The following MTDH variants were observed in gnomAD, a reference collection of about 807,000 sequenced individuals.
The protein encoded by MTDH is metadherin, also known as protein LYRIC.
MTDH carries 34 observed loss-of-function variants against 72.7 expected under a neutral mutation model. That is an observed-to-expected ratio of 0.47 (90% CI 0.36 to 0.62). MTDH has a LOEUF of 0.62. MTDH is among the 20% of genes least tolerant of loss of function. The pLI is 0.00. For synonymous variants in MTDH, 266 were observed against 268.9 expected (o/e 0.99, Z 0.10); for missense variants, 677 against 699.4 (o/e 0.97, Z 0.36).
At position 97,644,770 on chromosome 8, in the gene MTDH, G is replaced by A. The variant is rs750230751; in HGVS notation, c.264G>A (p.Lys88=). 4 of 1,549,210 alleles carry A rather than the reference G, an allele frequency of 2.6e-6. No individual in the cohort carries two copies. The highest frequency in any genetic ancestry group is 4.5e-5 in the Admixed American group (2 of 44,236). ...ARKKRRSPPR[K]REEAAAVPAA... ...AAAAGCGGAGGAGCCCGCCCCGCAA[G>A]CGGGAGGAGGCGGCGGCCGTGCCGG... is the stretch of plus-strand genomic sequence containing the variant. Residue 88 remains lysine (K), a synonymous_variant, in exon 1 of 12, where the codon AAG becomes AAA. Transcript: ENST00000336273.
intron 2 of MTDH, among the ~76,000 whole-genome samples, chr8:97,683,045 CTTTTTTTTTTTTTTTTTTTTTTT>C (rs71271144): frequency 6.8e-4 from 30 of 44,386 alleles, no homozygotes; most frequent in Middle Eastern, 0.02. Context: ...CTCTTAGACA[CTTTTTTTTTTTTTTTTTTTTTTT>C]TTTTTTTTTT....
chr8:97,715,052 G>A (rs1289843759), intron 9 of MTDH, among the ~76,000 whole-genome samples: 1 of 151,674 alleles, frequency 6.6e-6, no homozygotes, highest in African/African-American at 2.4e-5. Flanking sequence ...CTCAAGTGAT[G>A]TGGTCTCAAG....
intron 4 of MTDH, 66 bp downstream of exon 4, chr8:97,687,671 T>TG: frequency 1.5e-6 from 2 of 1,331,120 alleles, no homozygotes; most frequent in Non-Finnish European, 2.0e-6. Flanking sequence ...ATGTACAAAA[T>TG]ATCATTATGT....
At chr8:97,672,155 GTAAA>G (rs1159047248) in intron 2 of MTDH, among the ~76,000 whole-genome samples, 1 of 152,096 alleles carries the variant, frequency 6.6e-6, no homozygotes, top group Admixed American at 6.5e-5. Context: ...TGCCTGTTTT[GTAAA>G]TAAAGTTTTA....
Position 97,644,523 on chromosome 8 carries a change from G to A in MTDH, c.17G>A (p.Trp6Ter). The A allele has an allele frequency of 6.3e-7, 1 of 1,591,718 alleles. No homozygotes were observed. The highest frequency in any genetic ancestry group is 8.5e-7 in the Non-Finnish European group (1 of 1,174,360). ...GGAGGGAAGATGGCTGCACGGAGCT[G>A]GCAGGACGAGCTGGCCCAGCAGGCC... is the stretch of plus-strand genomic sequence containing the variant. MAARS[W>*]QDELAQQAEE... Residue 6 changes from tryptophan to a stop codon, truncating the protein, a stop_gained, in exon 1 of 12, where the codon TGG (tryptophan) becomes TAG (stop). Transcript: ENST00000336273. LOFTEE classifies it high-confidence loss of function.
At chr8:97,651,338 G>A (rs1004679966) in intron 1 of MTDH, among the ~76,000 whole-genome samples, 1 of 152,142 alleles carries the variant, frequency 6.6e-6, no homozygotes, top group African/African-American at 2.4e-5. Context: ...TTCTTTGTAA[G>A]GTATATCACA....
chr8:97,719,563 A>G (rs1319389151), intron 10 of MTDH, among the ~76,000 whole-genome samples: 26 of 152,014 alleles, frequency 1.7e-4, no homozygotes, highest in Admixed American at 1.7e-3. Context: ...TAATGTTTTA[A>G]GCACTGTGCT....
Position 97,706,646 on chromosome 8 carries a change from C to A in MTDH, c.1168C>A (p.Pro390Thr). The A allele has an allele frequency of 6.2e-7, 1 of 1,612,782 alleles. No individual in the cohort carries two copies. The highest frequency in any genetic ancestry group is 8.5e-7 in the Non-Finnish European group (1 of 1,179,404). ...TTTAGATGGTCTGTCTTCTGCTGAT[C>A]CCAACTCTGATTGGAATGCACCAGC... Reference protein sequence around the residue: ...SGLNGLSSADPNSDWNAPAEE... With the variant: ...SGLNGLSSADTNSDWNAPAEE... Residue 390 changes from proline (P) to threonine (T), a missense_variant, in exon 8 of 12, where the codon CCC becomes ACC. Pro to Thr is a conservative substitution (Grantham distance 38, BLOSUM62 -1). Around this residue, in one of 3 missense-constraint regions of MTDH, gnomAD observed 9 missense variants for 25.8 expected, o/e 0.35. Transcript: ENST00000336273.
At chr8:97,666,693 T>C (rs754414752) in intron 2 of MTDH, among the ~76,000 whole-genome samples, 1 of 152,100 alleles carries the variant, frequency 6.6e-6, no homozygotes, top group Non-Finnish European at 1.5e-5. Flanking sequence ...TTCCACTCAT[T>C]ATATTCTTGT....
chr8:97,707,855 TAAA>T lies in MTDH; in HGVS notation c.1272+1109_1272+1111del, dbSNP rs1437826557. Among the ~76,000 whole-genome samples the T allele has an allele frequency of 1.1e-3, 164 of 148,496 alleles. 1 individual carries two copies. Among genetic ancestry groups the T allele is most frequent in the African/African-American group, 3.8e-3 (153 of 40,420 alleles). ...TTGAACATAGCAAGACCCCATCTCT[TAAA>T]AAAGAAAAAAAAAAAGAAAAAGTTA... On this transcript the variant is annotated intron_variant, in intron 8 of 11. Transcript: ENST00000336273.
intron 8 of MTDH, among the ~76,000 whole-genome samples, chr8:97,711,495 CAAACA>C (rs1037102289): frequency 5.6e-5 from 8 of 142,688 alleles, no homozygotes; most frequent in East Asian, 2.0e-4. Context: ...AAAAACAAAA[CAAACA>C]AAACAAGGCA....
At chr8:97,705,568 C>T (rs1305696088) in intron 7 of MTDH, among the ~76,000 whole-genome samples, 1 of 152,202 alleles carries the variant, frequency 6.6e-6, no homozygotes, top group Non-Finnish European at 1.5e-5. Flanking sequence ...CCACTGCACT[C>T]CAGCTTGGGC....
At chr8:97,662,689 G>A (rs1197731261) in intron 2 of MTDH, among the ~76,000 whole-genome samples, 2 of 151,940 alleles carry the variant, frequency 1.3e-5, no homozygotes, top group African/African-American at 2.4e-5. Context: ...GGGAGGCTGA[G>A]GTAGGAGAAT....
chr8:97,702,377 A>T (rs981665940), intron 7 of MTDH, among the ~76,000 whole-genome samples: 2 of 152,228 alleles, frequency 1.3e-5, no homozygotes, highest in Non-Finnish European at 2.9e-5. Flanking sequence ...TATGCAGGTT[A>T]CATGATTATT....
At chr8:97,688,187 A>T (rs942431561) in intron 4 of MTDH, among the ~76,000 whole-genome samples, 6 of 152,110 alleles carry the variant, frequency 3.9e-5, no homozygotes, top group Non-Finnish European at 8.8e-5. Context: ...CCACTCTTTA[A>T]ATTACCGTCA....
intron 1 of MTDH, 108 bp from the exon 2 acceptor site, chr8:97,660,963 AG>A: frequency 1.4e-6 from 1 of 690,998 alleles, no homozygotes; most frequent in South Asian, 2.4e-5. Context: ...TTTTAAATTT[AG>A]GTACAGAGGT....
At position 97,673,931 on chromosome 8, in the gene MTDH, T is replaced by C. The variant is rs889732699; in HGVS notation, c.484-12737T>C. Among the ~76,000 whole-genome samples, 5 of 151,404 alleles carry C rather than the reference T, an allele frequency of 3.3e-5. No individual in the cohort carries two copies. The South Asian group carries it at 1.0e-3, about 32-fold the overall frequency. On this transcript the variant is annotated intron_variant, in intron 2 of 11. Transcript: ENST00000336273. The stretch of plus-strand genomic sequence containing the variant: ...CGGAGGTTGCAGTGAACCAAGATCG[T>C]ACCACTGCACTCCAGCCTGGTCAAC...
intron 2 of MTDH, among the ~76,000 whole-genome samples, chr8:97,683,408 T>C (rs1000168979): frequency 6.6e-6 from 1 of 151,826 alleles, no homozygotes; most frequent in African/African-American, 2.4e-5. Flanking sequence ...TTTTTGGAGT[T>C]TTTTTGAGAC....
chr8:97,664,646 A>G (rs952710462), intron 2 of MTDH, among the ~76,000 whole-genome samples: 4 of 151,762 alleles, frequency 2.6e-5, no homozygotes, highest in Non-Finnish European at 5.9e-5. Flanking sequence ...GTGGTATTGC[A>G]CTATGTGTGT....
Sources: allele counts gnomAD v4.1 joint callset (sites outside exome capture counted in the v4.1 genomes callset), GRCh38; gene constraint gnomAD v4.1.1; regional missense constraint gnomAD v4.1.1; transcripts MANE v1.5; gene names NCBI Gene and HGNC (gene_info 2026-07-23, HGNC 2026-07-21).